Variants in GMDS observed in about 807,000 individuals in gnomAD.
GMDS encodes the protein GDP-mannose 4,6 dehydratase.
Under a neutral mutation model 49.9 loss-of-function variants are expected in GMDS, and 20 were observed. The observed-to-expected ratio is 0.40, with a 90% CI of 0.28 to 0.58. The LOEUF is 0.58. Ranked by LOEUF, GMDS falls within the 20% of genes least tolerant of loss-of-function variation. The pLI, the probability that GMDS is intolerant of heterozygous loss-of-function variation, is 0.42. For missense variants in GMDS, 362 were observed against 481.4 expected (o/e 0.75, Z 2.32); for synonymous variants, 177 against 178.6 (o/e 0.99, Z 0.07).
chr6:1,875,224 T>TA (rs1758975475), intron 7 of GMDS, among the ~76,000 whole-genome samples: 1 of 152,186 alleles, frequency 6.6e-6, no homozygotes, highest in Admixed American at 6.5e-5. Flanking sequence ...TTGATGTTTA[T>TA]AATATTTGAA....
chr6:2,218,102 A>G lies in GMDS; in HGVS notation c.102+27219T>C, dbSNP rs142707470. On this transcript the variant is annotated intron_variant, in intron 1 of 10. Coordinates refer to ENST00000380815, the MANE Select transcript of GMDS (RefSeq NM_001500.4). ...CCCAAAACGCCTTCCAAACCTCCTC[A>G]CCACCTTTCCTCACTGCTTCCCCAG... 9.3e-4 allele frequency among the ~76,000 whole-genome samples: 142 copies of G among 152,234 alleles called. 1 individual carries two copies. The East Asian group carries it at 0.027, about 29-fold the overall frequency.
intron 1 of GMDS, among the ~76,000 whole-genome samples, chr6:2,144,976 G>A (rs1003391795): frequency 6.6e-6 from 1 of 152,136 alleles, no homozygotes; most frequent in Non-Finnish European, 1.5e-5. Context: ...TCCAAGCAAA[G>A]GGACTGGGCA....
intron 9 of GMDS, among the ~76,000 whole-genome samples, chr6:1,671,125 CGAA>C (rs1764407131): frequency 1.3e-5 from 2 of 152,172 alleles, no homozygotes; most frequent in South Asian, 2.1e-4. Flanking sequence ...CAGTAACCCA[CGAA>C]GGCCACAGAA....
chr6:1,928,040 T>A (rs1762109390), intron 7 of GMDS, among the ~76,000 whole-genome samples: 1 of 152,182 alleles, frequency 6.6e-6, no homozygotes, highest in Non-Finnish European at 1.5e-5. Context: ...ATCGATTTGG[T>A]TCCTTGAACT....
chr6:1,704,747 T>C (rs1240127190), intron 9 of GMDS, among the ~76,000 whole-genome samples: 6 of 152,058 alleles, frequency 3.9e-5, no homozygotes, highest in Non-Finnish European at 8.8e-5. Flanking sequence ...AATACGTAAA[T>C]TGGAAGTAAT....
chr6:1,680,313 G>C (rs1764748008), intron 9 of GMDS, among the ~76,000 whole-genome samples: 1 of 152,196 alleles, frequency 6.6e-6, no homozygotes, highest in Non-Finnish European at 1.5e-5. Flanking sequence ...ATCCAGACAT[G>C]ACTCTAAGTC....
At chr6:1,877,644 T>TAAA (rs60037634) in intron 7 of GMDS, among the ~76,000 whole-genome samples, 34 of 90,506 alleles carry the variant, frequency 3.8e-4, no homozygotes, top group African/African-American at 4.6e-4. Context: ...TCTCAAAAAT[T>TAAA]AAAAAAAAAA....
intron 7 of GMDS, among the ~76,000 whole-genome samples, chr6:1,808,904 C>CTCTGTGTG (rs1554121842): frequency 2.7e-5 from 4 of 149,416 alleles, no homozygotes; most frequent in African/African-American, 9.9e-5. Context: ...CATGCTCTCT[C>CTCTGTGTG]TGTGTGTGTG....
At chr6:1,812,285 A>G (rs1186697545) in intron 7 of GMDS, among the ~76,000 whole-genome samples, 8 of 152,160 alleles carry the variant, frequency 5.3e-5, no homozygotes, top group African/African-American at 9.7e-5. Flanking sequence ...AGAGCAAGTT[A>G]AAGAAAGGCC....
rs980275228 is a variant in GMDS at position 2,063,883 on chromosome 6, T to C, written c.345+51888A>G. Among the ~76,000 whole-genome samples, 19 of 152,208 alleles carry C rather than the reference T, an allele frequency of 1.2e-4. 1 individual carries two copies. The highest frequency in any genetic ancestry group is 1.1e-3 in the Admixed American group (17 of 15,270). On this transcript the variant is annotated intron_variant, in intron 4 of 10. Coordinates refer to ENST00000380815, the MANE Select transcript of GMDS (RefSeq NM_001500.4). ...AGCTGTTTGAAGGTTAGAAGTACTA[T>C]GAGCAGTTTAAAAGAACAGCAATAA...
At chr6:2,030,588 C>T (rs1339889397) in intron 4 of GMDS, among the ~76,000 whole-genome samples, 1 of 152,086 alleles carries the variant, frequency 6.6e-6, no homozygotes, top group African/African-American at 2.4e-5. Context: ...TCTAAATGAC[C>T]TCTGGGGATG....
chr6:2,126,842 C>T (rs1775476214), intron 1 of GMDS, among the ~76,000 whole-genome samples: 1 of 152,094 alleles, frequency 6.6e-6, no homozygotes, highest in African/African-American at 2.4e-5. Flanking sequence ...CCATGTTGGC[C>T]AGGCTGATCT....
chr6:2,048,817 T>C (rs985727189), intron 4 of GMDS, among the ~76,000 whole-genome samples: 9 of 152,256 alleles, frequency 5.9e-5, no homozygotes, highest in Non-Finnish European at 1.3e-4. Flanking sequence ...GTTGTTATTC[T>C]ATAGAAATAC....
intron 7 of GMDS, among the ~76,000 whole-genome samples, chr6:1,820,489 A>ATATATATATAT (rs1770845918): frequency 1.3e-5 from 2 of 152,230 alleles, no homozygotes; most frequent in Non-Finnish European, 1.5e-5. Flanking sequence ...TGGACCCTAT[A>ATATATATATAT]AAATTTAGAA....
At chr6:1,861,226 TC>T (rs1406301033) in intron 7 of GMDS, among the ~76,000 whole-genome samples, 1 of 152,196 alleles carries the variant, frequency 6.6e-6, no homozygotes, top group African/African-American at 2.4e-5. Context: ...GACTGACATC[TC>T]TAAAGTTCTG....
intron 4 of GMDS, among the ~76,000 whole-genome samples, chr6:1,995,504 C>T (rs931377820): frequency 8.0e-6 from 1 of 125,742 alleles, no homozygotes; most frequent in African/African-American, 3.2e-5. Context: ...TCAGAGAGAA[C>T]ATCAACAACA....
chr6:1,759,071 C>T (rs755327945), intron 7 of GMDS, among the ~76,000 whole-genome samples: 3 of 152,032 alleles, frequency 2.0e-5, no homozygotes, highest in Non-Finnish European at 2.9e-5. Context: ...TACAGGTGTG[C>T]GCCACCACGC....
chr6:2,144,275 G>T (rs1298225466), intron 1 of GMDS, among the ~76,000 whole-genome samples: 2 of 152,144 alleles, frequency 1.3e-5, no homozygotes, highest in Admixed American at 6.5e-5. Context: ...GTCACAAGAG[G>T]CCACACAGTA....
intron 4 of GMDS, among the ~76,000 whole-genome samples, chr6:2,065,123 C>A (rs893915225): frequency 5.9e-5 from 9 of 152,134 alleles, no homozygotes; most frequent in South Asian, 2.1e-4. Context: ...CCCCTGACCC[C>A]TGAGCAGCCT....
Sources: allele counts gnomAD v4.1 joint callset (sites outside exome capture counted in the v4.1 genomes callset), GRCh38; gene constraint gnomAD v4.1.1; transcripts MANE v1.5; gene names NCBI Gene and HGNC (gene_info 2026-07-23, HGNC 2026-07-21).